Variants in LRRC27 observed in about 807,000 individuals in gnomAD.
LRRC27 encodes leucine rich repeat containing 27.
LRRC27 carries 57 observed loss-of-function variants against 55.0 expected under a neutral mutation model. The ratio of observed to expected loss-of-function variants is 1.04; its 90% CI spans 0.84 to 1.29. LRRC27 has a LOEUF of 1.29. Among genes scored for constraint, LRRC27 ranks in the 50% most tolerant of loss-of-function variants. The pLI is 0.00. For synonymous variants in LRRC27, 278 were observed against 251.9 expected, an observed-to-expected ratio of 1.10 and a Z score of -0.98; for missense variants, 721 against 651.5, an observed-to-expected ratio of 1.11 and a Z score of -1.16.
intron 10 of LRRC27, among the ~76,000 whole-genome samples, chr10:132,367,477 T>C (rs1053484991): frequency 6.6e-6 from 1 of 152,248 alleles, no homozygotes. Context: ...ATATCGCTCA[T>C]GAATGTAGAC....
At position 132,338,714 on chromosome 10, in the gene LRRC27, T is replaced by C. The variant is rs536147327; in HGVS notation, c.341+1019T>C. Among the ~76,000 whole-genome samples the C allele has an allele frequency of 3.3e-3, 489 of 149,752 alleles. 2 individuals are homozygous for C. The highest frequency in any genetic ancestry group is 0.011 in the African/African-American group (446 of 40,854). ...CTCTTTTTCTTTTCTTTCTTTCTTT[T>C]TTTTTTTTTTTTTGAGACGGAATCT... On this transcript the variant is annotated intron_variant, in intron 3 of 10. Coordinates refer to ENST00000368614, the MANE Select transcript of LRRC27 (RefSeq NM_030626.3).
Position 132,351,766 on chromosome 10 carries a change from AG to A in LRRC27, c.1073+16del, listed in dbSNP as rs1310083485. ...AGCAGCAGAGACGGTGAGTCCACAC[AG>A]GGTGGGGGTCCGCACAGCCCGCCCA... is the stretch of plus-strand genomic sequence containing the variant. On this transcript the variant is annotated intron_variant, in intron 7 of 10. Transcript: ENST00000368614. The A allele has an allele frequency of 1.2e-5, 20 of 1,604,442 alleles. No homozygotes were observed. Among genetic ancestry groups the A allele is most frequent in the Non-Finnish European group, 1.7e-5 (20 of 1,175,122 alleles).
chr10:132,360,566 C>A (rs796919427), intron 8 of LRRC27, among the ~76,000 whole-genome samples: 61 of 152,200 alleles, frequency 4.0e-4, no homozygotes, highest in African/African-American at 1.4e-3. Context: ...GTGGGTGGTC[C>A]CTGGTCCTCC....
chr10:132,346,823 G>A (rs969574643), intron 5 of LRRC27, among the ~76,000 whole-genome samples: 1 of 151,190 alleles, frequency 6.6e-6, no homozygotes, highest in African/African-American at 2.4e-5. Flanking sequence ...ACCCCAGGGG[G>A]AATTTTACAA....
At position 132,348,217 on chromosome 10, in the gene LRRC27, T is replaced by C; in HGVS notation, c.787T>C (p.Trp263Arg). Residue 263 changes from tryptophan to arginine, a missense_variant, in exon 6 of 11, where the codon TGG (tryptophan) becomes CGG (arginine). Transcript: ENST00000368614. This position sits in a 1 kb window ranked among gnomAD's most constrained non-coding sequence, Gnocchi z 4.2. ...CAGCGAGGAGGAGATCAGGCGCTTTTGGAAGCTGAGGCAGGAGATTGTTGA... is the reference window on the plus strand; with the variant it reads ...CAGCGAGGAGGAGATCAGGCGCTTTCGGAAGCTGAGGCAGGAGATTGTTGA... Reference protein sequence around the residue: ...WPSEEEIRRFWKLRQEIVEHV... With the variant: ...WPSEEEIRRFRKLRQEIVEHV... 2.5e-6 allele frequency: 4 copies of C among 1,614,046 alleles called. 1 individual carries two copies. Among genetic ancestry groups the C allele is most frequent in the Non-Finnish European group, 8.5e-7 (1 of 1,180,018 alleles).
At chr10:132,364,749 CCCA>C (rs2068946941) in intron 9 of LRRC27, among the ~76,000 whole-genome samples, 1 of 114,088 alleles carries the variant, frequency 8.8e-6, no homozygotes, top group African/African-American at 3.8e-5. Flanking sequence ...TACCTCCACG[CCCA>C]CACTTACACT....
chr10:132,351,653 C>G lies in LRRC27; in HGVS notation c.973C>G (p.Pro325Ala). ...GAGCATCTTACCCGACCTCTTGTCA[C>G]CGTACCAAATGGCGATCCGAGCAAA... ...SRSILPDLLS[P>A]YQMAIRAKRL... is the part of the protein sequence containing the mutation. The change falls in exon 7 of 11, where the codon CCG becomes GCG. Residue 325 changes from proline to alanine, a missense_variant. Transcript: ENST00000368614. The G allele has an allele frequency of 1.2e-6, 2 of 1,614,132 alleles. No homozygotes were observed. The highest frequency in any genetic ancestry group is 1.7e-6 in the Non-Finnish European group (2 of 1,180,034).
At position 132,376,270 on chromosome 10, in the gene LRRC27, T is replaced by C. The variant is rs891439565; in HGVS notation, c.*1028T>C. 1 of 152,298 alleles carries C rather than the reference T, an allele frequency of 6.6e-6. No individual in the cohort carries two copies. The highest frequency in any genetic ancestry group is 1.5e-5 in the Non-Finnish European group (1 of 68,054). 9.4% of individuals were successfully genotyped at this position (152,298 alleles called of 1,614,324 possible). A position where few individuals can be genotyped will look rare whatever the true frequency, so the allele number is the denominator to read the frequency against. On this transcript the variant is annotated 3_prime_UTR_variant, in exon 11 of 11. Transcript: ENST00000368614. Reference sequence around the variant, plus strand: ...TTTTGGCTTCACTGGATTTGCTGTTTGTCTTCTGTCTCATGGGTCTCTGCG... The same window carrying C: ...TTTTGGCTTCACTGGATTTGCTGTTCGTCTTCTGTCTCATGGGTCTCTGCG...
intron 3 of LRRC27, among the ~76,000 whole-genome samples, chr10:132,340,493 A>G (rs2067360256): frequency 6.6e-6 from 1 of 152,122 alleles, no homozygotes. Flanking sequence ...TGCCCTCCTC[A>G]GCATCTGGAG....
At chr10:132,334,248 CT>C (rs2067007147) in intron 2 of LRRC27, among the ~76,000 whole-genome samples, 1 of 152,236 alleles carries the variant, frequency 6.6e-6, no homozygotes, top group Admixed American at 6.5e-5. Flanking sequence ...AGGGTTCCCC[CT>C]GCAGCACTTG....
At chr10:132,361,709 CGGGCTCCAGGCTGTGGT>C (rs1429066742) in intron 9 of LRRC27, 134 bp downstream of exon 9, 9 of 682,364 alleles carry the variant, frequency 1.3e-5, no homozygotes, top group East Asian at 8.3e-5. Context: ...CAGGCTGTGG[CGGGCTCCAGGCTGTGGT>C]GGGCTCCAGG....
chr10:132,336,674 A>G (rs952812262), intron 2 of LRRC27: 15 of 685,942 alleles, frequency 2.2e-5, no homozygotes, highest in African/African-American at 2.2e-4. Flanking sequence ...ACACTGGAGC[A>G]CAGAGAGGTT....
At chr10:132,371,165 C>T (rs932824843) in intron 10 of LRRC27, among the ~76,000 whole-genome samples, 9 of 152,374 alleles carry the variant, frequency 5.9e-5, no homozygotes, top group South Asian at 4.1e-4. Context: ...AAGGCATCTG[C>T]GCAGTGCCGC....
chr10:132,348,420 T>G lies in LRRC27; in HGVS notation c.926+64T>G. ...GCGAATTTATACAGTTATTTTAAAT[T>G]ATCTTTGAAAACATCAGGTCCAGCT... On this transcript the variant is annotated intron_variant, in intron 6 of 10. Transcript: ENST00000368614. This position sits in a 1 kb window ranked among gnomAD's most constrained non-coding sequence, Gnocchi z 4.2. The G allele has an allele frequency of 6.4e-7, 1 of 1,554,842 alleles. No homozygotes were observed. The highest frequency in any genetic ancestry group is 8.7e-7 in the Non-Finnish European group (1 of 1,152,198).
At chr10:132,331,382 C>T, upstream of LRRC27, 1 of 1,541,954 alleles carries the variant, frequency 6.5e-7, no homozygotes, top group Non-Finnish European at 8.8e-7. Flanking sequence ...CCCTCCCGCC[C>T]GGTGTCATTT....
Position 132,348,334 on chromosome 10 carries a change from C to G in LRRC27, c.904C>G (p.Pro302Ala). Residue 302 changes from proline to alanine, a missense_variant, in exon 6 of 11, where the codon CCA becomes GCA. By Grantham distance (27) the Pro-to-Ala change is conservative (BLOSUM62 -1). Coordinates refer to ENST00000368614, the MANE Select transcript of LRRC27 (RefSeq NM_030626.3). This position sits in a 1 kb window ranked among gnomAD's most constrained non-coding sequence, Gnocchi z 4.2. ...KAALNIEKEL[P>A]KPRHVFRRKT... ...GGCCTTGAACATTGAGAAAGAACTACCAAAGCCAAGACACGTTTTCAGGTA... is the reference window on the plus strand; with the variant it reads ...GGCCTTGAACATTGAGAAAGAACTAGCAAAGCCAAGACACGTTTTCAGGTA... 1 of 1,611,764 alleles carries G rather than the reference C, an allele frequency of 6.2e-7. No homozygotes were observed. The highest frequency in any genetic ancestry group is 1.7e-5 in the Admixed American group (1 of 59,944).
intron 3 of LRRC27, among the ~76,000 whole-genome samples, chr10:132,339,065 C>T (rs937793328): frequency 1.2e-4 from 18 of 152,206 alleles, no homozygotes; most frequent in African/African-American, 2.7e-4. Context: ...GCTGGGGCCA[C>T]GGCAGCAGCC....
At chr10:132,345,026 G>A (rs2067612008) in intron 5 of LRRC27, among the ~76,000 whole-genome samples, 1 of 152,184 alleles carries the variant, frequency 6.6e-6, no homozygotes, top group African/African-American at 2.4e-5. Flanking sequence ...TCCTAACGAG[G>A]TACAAGAAAT....
intron 10 of LRRC27, among the ~76,000 whole-genome samples, chr10:132,373,511 C>T (rs941700691): frequency 2.6e-5 from 4 of 152,236 alleles, no homozygotes; most frequent in South Asian, 2.1e-4. Context: ...GAGCTGGTCG[C>T]GGTGATGGCA....
Sources: allele counts gnomAD v4.1 joint callset (sites outside exome capture counted in the v4.1 genomes callset), GRCh38; gene constraint gnomAD v4.1.1; non-coding constraint Gnocchi (gnomAD v3.1); transcripts MANE v1.5; gene names NCBI Gene and HGNC (gene_info 2026-07-23, HGNC 2026-07-21).